The following IQCJ variants were observed in gnomAD, a reference collection of about 807,000 sequenced individuals.
IQCJ encodes IQ motif containing J.
A neutral mutation model predicts 11.0 loss-of-function variants in IQCJ; 9 were observed. That is an observed-to-expected ratio of 0.82 (90% CI 0.49 to 1.43). IQCJ has a LOEUF of 1.43. Ranked by LOEUF, IQCJ falls within the 40% of genes most tolerant of loss-of-function variation. The pLI, the probability that IQCJ is intolerant of heterozygous loss-of-function variation, is 0.00. For synonymous variants in IQCJ, 55 were observed against 51.3 expected (o/e 1.07, Z -0.31); for missense variants, 146 against 133.2 (o/e 1.10, Z -0.47).
downstream of IQCJ, chr3:159,265,610 G>T: frequency 2.2e-6 from 1 of 460,948 alleles, no homozygotes. Context: ...TTTCCAGGTT[G>T]TTGAACCTCA....
chr3:159,073,649 GT>G (rs1182275544), intron 1 of IQCJ, among the ~76,000 whole-genome samples: 3 of 152,042 alleles, frequency 2.0e-5, no homozygotes, highest in Non-Finnish European at 4.4e-5. Flanking sequence ...CCTCCCACTA[GT>G]CTCTTTGCTC....
At chr3:159,166,349 A>G (rs1257264325) in intron 1 of IQCJ, among the ~76,000 whole-genome samples, 1 of 152,234 alleles carries the variant, frequency 6.6e-6, no homozygotes, top group Admixed American at 6.5e-5. Flanking sequence ...CTAACCGTGG[A>G]GCATAACACA....
intron 3 of IQCJ, among the ~76,000 whole-genome samples, chr3:159,254,859 T>C (rs1727800624): frequency 6.6e-6 from 1 of 152,170 alleles, no homozygotes; most frequent in South Asian, 2.1e-4. Flanking sequence ...AACTGTCCTA[T>C]GTTTTGGGAC....
At chr3:159,085,143 C>T (rs1716632148) in intron 1 of IQCJ, among the ~76,000 whole-genome samples, 1 of 151,928 alleles carries the variant, frequency 6.6e-6, no homozygotes. Flanking sequence ...GTTCAATTCC[C>T]ACCTATTAGT....
intron 1 of IQCJ, among the ~76,000 whole-genome samples, chr3:159,090,700 C>T (rs988885684): frequency 2.6e-5 from 4 of 151,786 alleles, no homozygotes; most frequent in Admixed American, 2.0e-4. Flanking sequence ...GAGCGTACAG[C>T]GGCCTCTCTT....
At chr3:159,087,769 CTTTATCATTTTTTATTGCATCTA>C (rs1220102400) in intron 1 of IQCJ, among the ~76,000 whole-genome samples, 2 of 151,092 alleles carry the variant, frequency 1.3e-5, no homozygotes, top group African/African-American at 4.9e-5. Flanking sequence ...GTGATATCCC[CTTTATCATTTTTTATTGCATCTA>C]TTTGAGTCTT....
At chr3:159,220,330 T>G (rs1179377907) in intron 1 of IQCJ, among the ~76,000 whole-genome samples, 1 of 152,040 alleles carries the variant, frequency 6.6e-6, no homozygotes, top group African/African-American at 2.4e-5. Flanking sequence ...TTTAAATAGG[T>G]AATTAAGTTT....
intron 1 of IQCJ, among the ~76,000 whole-genome samples, chr3:159,175,160 T>C (rs1300945577): frequency 6.6e-6 from 1 of 152,212 alleles, no homozygotes; most frequent in Non-Finnish European, 1.5e-5. Flanking sequence ...TACAGTCATG[T>C]AACCACCACC....
chr3:159,120,424 A>T (rs1719299247), intron 1 of IQCJ, among the ~76,000 whole-genome samples: 1 of 152,190 alleles, frequency 6.6e-6, no homozygotes, highest in East Asian at 1.9e-4. Flanking sequence ...TGGGAAATAA[A>T]CTAGTGTGGT....
chr3:159,232,100 T>G (rs752799643), intron 1 of IQCJ, among the ~76,000 whole-genome samples: 11 of 152,180 alleles, frequency 7.2e-5, no homozygotes, highest in Non-Finnish European at 1.2e-4. Context: ...GTCATTGATT[T>G]TTTTGAAGGA....
chr3:159,142,430 C>A lies in IQCJ; in HGVS notation c.9+72989C>A, dbSNP rs570019693. Among the ~76,000 whole-genome samples, 6 of 130,042 alleles carry A rather than the reference C, an allele frequency of 4.6e-5. No individual in the cohort carries two copies. In the East Asian group the frequency reaches 9.8e-4, roughly 21 times the overall value. The allele number at this position is 130,042 out of a possible 152,430, so 85.3% of individuals were successfully genotyped here. The stretch of plus-strand genomic sequence containing the variant: ...ACTGAGGGGCAGGTCTTTTCCCCCC[C>A]CCACCAGATGGAGTCTCACGCTGTC... On this transcript the variant is annotated intron_variant, in intron 1 of 3. Transcript: ENST00000397832.
chr3:159,178,335 G>A (rs1427740754), intron 1 of IQCJ, among the ~76,000 whole-genome samples: 3 of 152,062 alleles, frequency 2.0e-5, no homozygotes, highest in Non-Finnish European at 2.9e-5. Context: ...TATAGGCTTC[G>A]ACTTGACTGA....
At chr3:159,226,066 G>A (rs1725838135) in intron 1 of IQCJ, among the ~76,000 whole-genome samples, 1 of 152,124 alleles carries the variant, frequency 6.6e-6, no homozygotes, top group Non-Finnish European at 1.5e-5. Context: ...GTCCTATCCA[G>A]GCATGCCACC....
At chr3:159,265,348 T>C (rs747662973), downstream of IQCJ, 2 of 1,613,808 alleles carry the variant, frequency 1.2e-6, no homozygotes, top group Non-Finnish European at 1.7e-6. Flanking sequence ...ACTGGGTTCA[T>C]ACATACTCTC....
intron 1 of IQCJ, among the ~76,000 whole-genome samples, chr3:159,177,724 GA>G (rs903173180): frequency 6.6e-6 from 1 of 152,142 alleles, no homozygotes; most frequent in Non-Finnish European, 1.5e-5. Flanking sequence ...ACACTGAAAA[GA>G]ATAACCGTTA....
At chr3:159,142,407 T>G (rs532654894) in intron 1 of IQCJ, among the ~76,000 whole-genome samples, 2 of 121,736 alleles carry the variant, frequency 1.6e-5, no homozygotes, top group East Asian at 5.0e-4. Context: ...GTAAGTGCAC[T>G]GAGGGGCAGG....
At chr3:159,253,340 C>A (rs760654721) in intron 3 of IQCJ, among the ~76,000 whole-genome samples, 2 of 151,982 alleles carry the variant, frequency 1.3e-5, no homozygotes, top group African/African-American at 4.8e-5. Context: ...ATGACTATTA[C>A]CTTAAAATAG....
intron 1 of IQCJ, among the ~76,000 whole-genome samples, chr3:159,202,779 A>G (rs552778239): frequency 4.1e-4 from 63 of 152,300 alleles, no homozygotes; most frequent in African/African-American, 1.5e-3. Context: ...CTGGGACTAT[A>G]GGAGTGAGCC....
chr3:159,091,124 C>A (rs1717248135), intron 1 of IQCJ, among the ~76,000 whole-genome samples: 1 of 150,410 alleles, frequency 6.6e-6, no homozygotes, highest in Admixed American at 6.6e-5. Context: ...GTTCTGTCAT[C>A]TTCATAATTC....
Sources: allele counts gnomAD v4.1 joint callset (sites outside exome capture counted in the v4.1 genomes callset), GRCh38; gene constraint gnomAD v4.1.1; transcripts MANE v1.5; gene names NCBI Gene and HGNC (gene_info 2026-07-23, HGNC 2026-07-21).